The following CEBPZOS variants were observed in gnomAD, a reference collection of about 807,000 sequenced individuals.
The protein encoded by CEBPZOS is protein CEBPZOS.
CEBPZOS carries 10 observed loss-of-function variants against 4.8 expected under a neutral mutation model. The observed-to-expected ratio is 2.07, with a 90% CI of 1.28 to 3.52. The LOEUF (loss-of-function observed/expected upper bound fraction) is 3.52, where lower values mean the gene tolerates loss of function less well. CEBPZOS is among the 30% of genes most tolerant of loss of function. CEBPZOS has a pLI of 0.00. For synonymous variants in CEBPZOS, 25 were observed against 14.2 expected (o/e 1.77, Z -1.72); for missense variants, 98 against 43.6 (o/e 2.25, Z -3.51).
rs552707802 is a variant in CEBPZOS, at chr2:37,202,415, C to T, written c.*555C>T. ...ATCTCAGCACTTTGGGAGGCCGAGG[C>T]AGGCGGGTCACTTGAGGTCAGGAGT... On this transcript the variant is annotated 3_prime_UTR_variant, in exon 5 of 5. Coordinates refer to ENST00000402297, the MANE Select transcript of CEBPZOS (RefSeq NM_001322374.2). The T allele has an allele frequency of 4.4e-4, 74 of 169,816 alleles. No individual in the cohort carries two copies. In the South Asian group the frequency reaches 9.7e-3, roughly 22 times the overall value. The allele number at this position is 169,816 out of a possible 1,614,324, so 10.5% of individuals were successfully genotyped here. A position where few individuals can be genotyped will look rare whatever the true frequency, so the allele number is the denominator to read the frequency against.
At chr2:37,200,407 A>G (rs1223953214) in intron 2 of CEBPZOS, among the ~76,000 whole-genome samples, 1 of 152,196 alleles carries the variant, frequency 6.6e-6, no homozygotes, top group African/African-American at 2.4e-5. Context: ...CTTCCTCAGC[A>G]TACTTGGTTG....
intron 2 of CEBPZOS, among the ~76,000 whole-genome samples, chr2:37,200,774 C>T (rs139519199): frequency 2.1e-3 from 327 of 152,176 alleles, no homozygotes; most frequent in African/African-American, 7.1e-3. Context: ...CCTTGGCTGA[C>T]GTAGGAGGCT....
chr2:37,201,771 CTTTG>C lies in CEBPZOS; in HGVS notation c.*2+49_*2+52del, dbSNP rs754108253. ...ATAATTTACATTAATAACTCATTTC[CTTTG>C]TTTTTTAGTTTTTTGAGTGGTTTTA... On this transcript the variant is annotated intron_variant, in intron 4 of 4. Transcript: ENST00000402297. 106 of 1,415,356 alleles carry C rather than the reference CTTTG, an allele frequency of 7.5e-5. No individual in the cohort carries two copies. The African/African-American group carries it at 1.1e-3, about 15-fold the overall frequency. 87.7% of individuals were successfully genotyped at this position (1,415,356 alleles called of 1,614,324 possible). A position where few individuals can be genotyped will look rare whatever the true frequency, so the allele number is the denominator to read the frequency against.
downstream of CEBPZOS, chr2:37,213,785 C>G: frequency 1.1e-6 from 1 of 902,236 alleles, no homozygotes; most frequent in South Asian, 1.5e-5. Flanking sequence ...AAACTAAGGC[C>G]ACTTCTCCCA....
Position 37,202,213 on chromosome 2 carries a change from A to G in CEBPZOS, c.*353A>G, listed in dbSNP as rs1207422063. The G allele has an allele frequency of 4.8e-6, 1 of 208,976 alleles. No homozygotes were observed. The highest frequency in any genetic ancestry group is 9.3e-6 in the Non-Finnish European group (1 of 107,342). The allele number at this position is 208,976 out of a possible 1,614,324, so 12.9% of individuals were successfully genotyped here. On this transcript the variant is annotated 3_prime_UTR_variant, in exon 5 of 5. Coordinates refer to ENST00000402297, the MANE Select transcript of CEBPZOS (RefSeq NM_001322374.2). ...TGTAAAAACGGCCCACTTCCCTAAA[A>G]AAAAGTAATTTTTGTAGTCTGCAAG...
At chr2:37,213,725 T>G in exon 5 of CEBPZOS, 1 of 605,724 alleles carries the variant, frequency 1.7e-6, no homozygotes, top group Non-Finnish European at 2.8e-6. Context: ...CAAATATTTC[T>G]TAATCTTCCA....
chr2:37,212,685 G>A (rs1023974351), intron 4 of CEBPZOS: 14 of 418,484 alleles, frequency 3.3e-5, no homozygotes, highest in Middle Eastern at 6.9e-4. Flanking sequence ...AGCAATTGTC[G>A]TCCTTTTTAC....
At chr2:37,209,027 A>AC (rs1360316682), downstream of CEBPZOS, 1 of 124,546 alleles carries the variant, frequency 8.0e-6, no homozygotes, top group Non-Finnish European at 1.6e-5. Flanking sequence ...CAATTACTCT[A>AC]CCCCCCTTAC....
At chr2:37,208,897 C>G (rs1170292198), downstream of CEBPZOS, 1 of 152,020 alleles carries the variant, frequency 6.6e-6, no homozygotes, top group Non-Finnish European at 1.5e-5. Context: ...ACCCTAAAGA[C>G]TCATCCAAAA....
In CEBPZOS at chr2:37,201,868, C is replaced by G; in HGVS notation, c.*8C>G. 1 of 1,613,748 alleles carries G rather than the reference C, an allele frequency of 6.2e-7. No homozygotes were observed. On this transcript the variant is annotated 3_prime_UTR_variant, in exon 5 of 5. Coordinates refer to ENST00000402297, the MANE Select transcript of CEBPZOS (RefSeq NM_001322374.2). ...TTTGCATCTCTGTTGTGTAGCCAGTCATCACGTTCAGCCTCCCATCTAAGC... is the reference window on the plus strand; with the variant it reads ...TTTGCATCTCTGTTGTGTAGCCAGTGATCACGTTCAGCCTCCCATCTAAGC...
At chr2:37,200,834 G>A (rs1163921431) in intron 2 of CEBPZOS, among the ~76,000 whole-genome samples, 2 of 152,152 alleles carry the variant, frequency 1.3e-5, no homozygotes, top group Non-Finnish European at 2.9e-5. Context: ...TTGTGACTGT[G>A]CCACTGTACT....
At chr2:37,215,487 T>C (rs1410334838), downstream of CEBPZOS, 1 of 152,340 alleles carries the variant, frequency 6.6e-6, no homozygotes, top group Non-Finnish European at 1.5e-5. Context: ...TAAAAGGAGA[T>C]TTGGCTTTTA....
At chr2:37,211,008 A>G (rs1396069610) in intron 4 of CEBPZOS, 6 of 1,609,204 alleles carry the variant, frequency 3.7e-6, no homozygotes, top group Non-Finnish European at 5.1e-6. Flanking sequence ...CCTTGAAATG[A>G]GCCAGCAAAG....
downstream of CEBPZOS, chr2:37,213,824 G>A (rs1199373646): frequency 7.5e-7 from 1 of 1,332,578 alleles, no homozygotes; most frequent in Admixed American, 1.8e-5. Context: ...TTAACACATA[G>A]TAGTAGATTA....
In CEBPZOS at chr2:37,202,932, A is replaced by G. The variant is rs201567647; in HGVS notation, c.*1072A>G. The G allele has an allele frequency of 4.1e-4, 655 of 1,595,776 alleles. 1 individual carries two copies. The highest frequency in any genetic ancestry group is 4.7e-4 in the Non-Finnish European group (555 of 1,170,174). On this transcript the variant is annotated 3_prime_UTR_variant, in exon 5 of 5. Coordinates refer to ENST00000402297, the MANE Select transcript of CEBPZOS (RefSeq NM_001322374.2). Reference sequence around the variant, plus strand: ...AATGTAGAATAGCTAGCTTGTTAAAACAGTACATTAGCCTTACCTCTTCAG... The same window carrying G: ...AATGTAGAATAGCTAGCTTGTTAAAGCAGTACATTAGCCTTACCTCTTCAG...
At chr2:37,214,949 T>C, downstream of CEBPZOS, 1 of 1,602,920 alleles carries the variant, frequency 6.2e-7, no homozygotes, top group Non-Finnish European at 8.5e-7. Context: ...CTCCTTACTG[T>C]TCACTACAAA....
At chr2:37,200,735 C>A (rs949979274) in intron 2 of CEBPZOS, among the ~76,000 whole-genome samples, 1 of 151,254 alleles carries the variant, frequency 6.6e-6, no homozygotes, top group African/African-American at 2.4e-5. Context: ...AGGTAGGAGG[C>A]TCCCCTGAGC....
At chr2:37,208,285 TA>T (rs1677605708), downstream of CEBPZOS, among the ~76,000 whole-genome samples, 1 of 152,100 alleles carries the variant, frequency 6.6e-6, no homozygotes, top group Non-Finnish European at 1.5e-5. Context: ...GAATCCTCCC[TA>T]AATCATTCAA....
At chr2:37,210,977 G>T (rs767291145) in intron 4 of CEBPZOS, 6 of 1,539,486 alleles carry the variant, frequency 3.9e-6, no homozygotes, top group South Asian at 1.2e-5. Flanking sequence ...GCTTTTAAAA[G>T]ATATTAAATG....
Sources: allele counts gnomAD v4.1 joint callset (sites outside exome capture counted in the v4.1 genomes callset), GRCh38; gene constraint gnomAD v4.1.1; transcripts MANE v1.5; gene names NCBI Gene and HGNC (gene_info 2026-07-23, HGNC 2026-07-21).